The following CHRDL1 variants were observed in gnomAD, a reference collection of about 807,000 sequenced individuals.
CHRDL1 encodes the protein chordin like 1, also known as chordin-like protein 1.
A neutral mutation model predicts 40.9 loss-of-function variants in CHRDL1; 19 were observed. That is an observed-to-expected ratio of 0.46 (90% CI 0.32 to 0.68). The LOEUF (loss-of-function observed/expected upper bound fraction) is 0.68. Ranked by LOEUF, CHRDL1 falls within the 30% of genes least tolerant of loss-of-function variation. The pLI is 0.03. For missense variants in CHRDL1, 329 were observed against 352.1 expected (o/e 0.93, Z 0.53); for synonymous variants, 136 against 123.4 (o/e 1.10, Z -0.68).
chrX:110,789,619 C>T (rs1366018753), intron 2 of CHRDL1, among the ~76,000 whole-genome samples: 1 of 111,982 alleles, frequency 8.9e-6, no homozygotes, highest in African/African-American at 3.2e-5. Flanking sequence ...GGAAGGATGT[C>T]CTACACACAT....
intron 4 of CHRDL1, among the ~76,000 whole-genome samples, chrX:110,731,960 A>G (rs963794866): frequency 1.8e-5 from 2 of 109,847 alleles, no homozygotes; most frequent in Admixed American, 9.7e-5. Flanking sequence ...TACAGTATGT[A>G]AACCTCAGTA....
At chrX:110,791,060 T>A (rs1263818978) in intron 2 of CHRDL1, among the ~76,000 whole-genome samples, 1 of 110,366 alleles carries the variant, frequency 9.1e-6, no homozygotes, top group East Asian at 2.8e-4. Context: ...ACTGTTCTCC[T>A]TGTCAGCAAG....
chrX:110,757,614 G>A (rs994004463), intron 4 of CHRDL1, among the ~76,000 whole-genome samples: 12 of 111,386 alleles, frequency 1.1e-4, no homozygotes, highest in Non-Finnish European at 2.1e-4. Flanking sequence ...ACTACCCACA[G>A]AAAGAGCTGT....
chrX:110,778,319 C>T (rs892963430), intron 2 of CHRDL1, among the ~76,000 whole-genome samples: 6 of 111,882 alleles, frequency 5.4e-5, no homozygotes, highest in Admixed American at 9.5e-5. Context: ...AAACAGATAG[C>T]CTACAGAATG....
At chrX:110,756,916 C>T (rs1286869032) in intron 4 of CHRDL1, among the ~76,000 whole-genome samples, 1 of 111,079 alleles carries the variant, frequency 9.0e-6, no homozygotes, top group Non-Finnish European at 1.9e-5. Flanking sequence ...AATAAGATTC[C>T]CCAAAACAAT....
In CHRDL1 at chrX:110,705,302, T is replaced by C. The variant is rs760197535; in HGVS notation, c.542-4581A>G. ...GAGACTATATATATATATATATATA[T>C]ATACACACACACATATATATATACA... On this transcript the variant is annotated intron_variant, in intron 6 of 11. Coordinates refer to ENST00000372042, the MANE Select transcript of CHRDL1 (RefSeq NM_001143981.2). 1.8e-3 allele frequency among the ~76,000 whole-genome samples: 152 copies of C among 84,939 alleles called. 3 individuals are homozygous for C. Among genetic ancestry groups the C allele is most frequent in the African/African-American group, 8.7e-3 (145 of 16,756 alleles). 73.8% of individuals were successfully genotyped at this position (84,939 alleles called of 115,157 possible).
intron 11 of CHRDL1, among the ~76,000 whole-genome samples, chrX:110,678,166 T>C (rs2148405899): frequency 8.9e-6 from 1 of 112,088 alleles, no homozygotes. Context: ...TGGCATTCTC[T>C]GGCCTGGAGA....
chrX:110,735,537 G>A (rs924352999), intron 4 of CHRDL1, among the ~76,000 whole-genome samples: 23 of 111,974 alleles, frequency 2.1e-4, no homozygotes, highest in African/African-American at 6.5e-4. Context: ...CCCAACTTCA[G>A]TCACACTCAA....
chrX:110,676,383 A>T (rs2069779094), intron 11 of CHRDL1, 22 bp from the exon 12 acceptor site: 1 of 1,203,848 alleles, frequency 8.3e-7, no homozygotes, highest in Admixed American at 2.2e-5. Flanking sequence ...ACAAACGCAA[A>T]GTGGCCGGGA....
chrX:110,758,527 C>A (rs1047580072), intron 4 of CHRDL1, among the ~76,000 whole-genome samples: 2 of 111,178 alleles, frequency 1.8e-5, no homozygotes, highest in South Asian at 3.8e-4. Flanking sequence ...TGTTTCTTCT[C>A]CATTAAAAAA....
At chrX:110,718,935 T>C (rs1042110964) in intron 6 of CHRDL1, among the ~76,000 whole-genome samples, 2 of 111,556 alleles carry the variant, frequency 1.8e-5, no homozygotes, top group Non-Finnish European at 3.8e-5. Context: ...TTCCCTGGGA[T>C]TTTCTGAAAA....
At chrX:110,721,714 T>TATCC (rs768110433) in intron 4 of CHRDL1, among the ~76,000 whole-genome samples, 184 bp from the exon 5 acceptor site, 366 of 111,944 alleles carry the variant, frequency 3.3e-3, no homozygotes, top group South Asian at 6.8e-3. Flanking sequence ...CATTATGATC[T>TATCC]ATCCATCCAT....
At chrX:110,786,542 T>C (rs965143864) in intron 2 of CHRDL1, among the ~76,000 whole-genome samples, 1 of 111,905 alleles carries the variant, frequency 8.9e-6, no homozygotes, top group Non-Finnish European at 1.9e-5. Context: ...TCTTTTCAAT[T>C]TGTAAGTAGT....
intron 4 of CHRDL1, among the ~76,000 whole-genome samples, chrX:110,735,834 T>C (rs922413115): frequency 8.9e-6 from 1 of 112,265 alleles, no homozygotes; most frequent in Non-Finnish European, 1.9e-5. Context: ...TGAAAAACTA[T>C]TCTGAGATGA....
intron 2 of CHRDL1, among the ~76,000 whole-genome samples, chrX:110,767,106 T>C (rs1399046075): frequency 8.9e-6 from 1 of 112,094 alleles, no homozygotes; most frequent in Non-Finnish European, 1.9e-5. Flanking sequence ...ATCATCTCAA[T>C]AGATGCAGAA....
chrX:110,678,255 T>C (rs751745658), intron 11 of CHRDL1, among the ~76,000 whole-genome samples: 8 of 112,108 alleles, frequency 7.1e-5, no homozygotes, highest in Non-Finnish European at 1.3e-4. Flanking sequence ...ATGTAATATA[T>C]GCATCTGATA....
chrX:110,695,021 T>C (rs761153875), intron 7 of CHRDL1, among the ~76,000 whole-genome samples: 1 of 110,584 alleles, frequency 9.0e-6, no homozygotes, highest in African/African-American at 3.3e-5. Context: ...ATAGAAGGCT[T>C]TGAGGGATTT....
At chrX:110,691,464 G>T (rs946132183) in intron 8 of CHRDL1, among the ~76,000 whole-genome samples, 1 of 110,478 alleles carries the variant, frequency 9.1e-6, no homozygotes, top group African/African-American at 3.3e-5. Context: ...CTAGGACTGG[G>T]TGTGTTTCTT....
rs1015291272 is a variant in CHRDL1 at position 110,792,305 on chromosome X, T to TAA, written c.-34-92_-34-91dup. ...TGCTCAGGCTTCTAACCTGCTAGAA[T>TAA]AAAAAAAAAATGTCCTAGAATTTAC... On this transcript the variant is annotated intron_variant, in intron 1 of 11. Coordinates refer to ENST00000372042, the MANE Select transcript of CHRDL1 (RefSeq NM_001143981.2). 77 of 373,833 alleles carry TAA rather than the reference T, an allele frequency of 2.1e-4. No individual in the cohort carries two copies. In the South Asian group the frequency reaches 3.9e-3, roughly 19 times the overall value. The allele number at this position is 373,833 out of a possible 1,213,427, so 30.8% of individuals were successfully genotyped here.
Sources: gnomAD v4.1 joint callset for allele counts (sites outside exome capture counted in the v4.1 genomes callset) on GRCh38, gnomAD v4.1.1 for gene constraint, MANE v1.5 for transcripts, NCBI Gene and HGNC (gene_info 2026-07-23, HGNC 2026-07-21) for gene names.